EMC2: variants seen among roughly 807,000 people sequenced by gnomAD.
EMC2 encodes TPR repeat protein 35.
EMC2 carries 37 observed loss-of-function variants against 51.6 expected under a neutral mutation model. The ratio of observed to expected loss-of-function variants is 0.72; its 90% confidence interval spans 0.55 to 0.94. The LOEUF is 0.94. Among genes scored for constraint, EMC2 ranks in the 40% least tolerant of loss-of-function variants. EMC2 has a pLI of 0.00. For missense variants in EMC2, 359 were observed against 350.9 expected, an observed-to-expected ratio of 1.02 and a Z score of -0.18; for synonymous variants, 131 against 112.4, an observed-to-expected ratio of 1.17 and a Z score of -1.04.
chr8:108,464,373 C>T (rs1028888904), intron 5 of EMC2, among the ~76,000 whole-genome samples: 6 of 152,198 alleles, frequency 3.9e-5, no homozygotes, highest in African/African-American at 9.6e-5. Context: ...TCTGGCCATA[C>T]GCCAGCCTGC....
intron 5 of EMC2, among the ~76,000 whole-genome samples, chr8:108,457,264 C>T (rs1447121293): frequency 6.6e-6 from 1 of 150,624 alleles, no homozygotes; most frequent in Non-Finnish European, 1.5e-5. Flanking sequence ...GTGGAAATTC[C>T]CTAGGGTTTT....
intron 10 of EMC2, among the ~76,000 whole-genome samples, chr8:108,485,136 A>C (rs1284159568): frequency 3.3e-5 from 5 of 151,830 alleles, no homozygotes; most frequent in Non-Finnish European, 7.4e-5. Context: ...CAGGTTACCA[A>C]TTCCTGAAGC....
chr8:108,478,262 A>T (rs1250941766), intron 9 of EMC2, among the ~76,000 whole-genome samples: 1 of 152,074 alleles, frequency 6.6e-6, no homozygotes, highest in East Asian at 1.9e-4. Context: ...CTTCACAGTA[A>T]TATATACATT....
chr8:108,448,917 G>T (rs1818945703), intron 1 of EMC2, among the ~76,000 whole-genome samples: 2 of 151,894 alleles, frequency 1.3e-5, no homozygotes, highest in African/African-American at 4.8e-5. Context: ...CTTTTGCTCA[G>T]CATTTTTAAG....
Position 108,486,667 on chromosome 8 carries a change from TA to T in EMC2, c.*70del. 1 of 1,451,712 alleles carries T rather than the reference TA, an allele frequency of 6.9e-7. No homozygotes were observed. Among genetic ancestry groups the T allele is most frequent in the South Asian group, 1.4e-5 (1 of 74,018 alleles). 89.9% of individuals were successfully genotyped at this position (1,451,712 alleles called of 1,614,324 possible). A position where few individuals can be genotyped will look rare whatever the true frequency, so the allele number is the denominator to read the frequency against. On this transcript the variant is annotated 3_prime_UTR_variant, in exon 11 of 11. Coordinates refer to ENST00000220853, the MANE Select transcript of EMC2 (RefSeq NM_014673.5). ...TGAACTTATTGGCCTGTAACTTATT[TA>T]CTAAATGCTCAGTGCTATTTATATA...
intron 5 of EMC2, among the ~76,000 whole-genome samples, chr8:108,458,447 T>C (rs1305812482): frequency 2.0e-5 from 3 of 152,216 alleles, no homozygotes; most frequent in South Asian, 4.1e-4. Context: ...TGCCTGGACA[T>C]GTAGCCATTT....
intron 10 of EMC2, 31 bp from the exon 11 acceptor site, chr8:108,486,481 A>G (rs748341590): frequency 6.8e-7 from 1 of 1,478,926 alleles, no homozygotes. Flanking sequence ...AATTGAGCCT[A>G]ATTGAGCTTT....
intron 10 of EMC2, among the ~76,000 whole-genome samples, chr8:108,481,416 C>G (rs1018284197): frequency 2.6e-5 from 4 of 151,512 alleles, no homozygotes; most frequent in Non-Finnish European, 5.9e-5. Flanking sequence ...TAATGGAGTT[C>G]CACACAGAGT....
At chr8:108,456,631 G>C (rs916663013) in intron 5 of EMC2, among the ~76,000 whole-genome samples, 1 of 152,006 alleles carries the variant, frequency 6.6e-6, no homozygotes, top group Non-Finnish European at 1.5e-5. Flanking sequence ...TTTTGAACAA[G>C]TATATTAGTT....
chr8:108,459,038 C>T (rs1240888253), intron 5 of EMC2, among the ~76,000 whole-genome samples: 2 of 152,198 alleles, frequency 1.3e-5, no homozygotes, highest in African/African-American at 2.4e-5. Flanking sequence ...ATCTCTAGGG[C>T]AGGGGCAAAA....
At chr8:108,444,485 G>A (rs962269353) in intron 1 of EMC2, among the ~76,000 whole-genome samples, 2 of 151,990 alleles carry the variant, frequency 1.3e-5, no homozygotes, top group African/African-American at 4.8e-5. Context: ...ATTAAGGCGT[G>A]GAATTTGTGT....
intron 7 of EMC2, among the ~76,000 whole-genome samples, chr8:108,472,537 AT>A (rs1196641401): frequency 4.7e-5 from 7 of 148,482 alleles, no homozygotes; most frequent in South Asian, 2.1e-4. Context: ...CAAAATGACC[AT>A]TTTTTTTTTC....
chr8:108,462,103 G>A (rs1038311872), intron 5 of EMC2, among the ~76,000 whole-genome samples: 6 of 152,116 alleles, frequency 3.9e-5, no homozygotes, highest in African/African-American at 9.7e-5. Flanking sequence ...CAATGCGCCC[G>A]GCCAGGCAAG....
intron 5 of EMC2, among the ~76,000 whole-genome samples, chr8:108,461,100 C>A (rs141107655): frequency 6.6e-6 from 1 of 152,188 alleles, no homozygotes; most frequent in African/African-American, 2.4e-5. Flanking sequence ...CAGAAGACAT[C>A]GCCGTTTCTT....
At chr8:108,478,590 T>C (rs1054443510) in intron 9 of EMC2, among the ~76,000 whole-genome samples, 1 of 152,002 alleles carries the variant, frequency 6.6e-6, no homozygotes, top group Non-Finnish European at 1.5e-5. Flanking sequence ...TCTATAAATA[T>C]TCAATAATTC....
At chr8:108,463,619 T>C (rs1220778072) in intron 5 of EMC2, among the ~76,000 whole-genome samples, 1 of 152,176 alleles carries the variant, frequency 6.6e-6, no homozygotes, top group African/African-American at 2.4e-5. Context: ...CTGCCTATTG[T>C]GATATATCAA....
chr8:108,475,462 G>A (rs1810930427), intron 7 of EMC2: 1 of 152,858 alleles, frequency 6.5e-6, no homozygotes, highest in African/African-American at 2.4e-5. Context: ...AGTGAGTAGA[G>A]AATATTTAAT....
At chr8:108,458,207 G>A (rs532857692) in intron 5 of EMC2, among the ~76,000 whole-genome samples, 1 of 152,322 alleles carries the variant, frequency 6.6e-6, no homozygotes, top group African/African-American at 2.4e-5. Context: ...TACATCCTCT[G>A]GATGCTTTCA....
chr8:108,452,206 G>A (rs7816458), intron 3 of EMC2, among the ~76,000 whole-genome samples: 104,020 of 152,064 alleles, frequency 0.68, 36,143 homozygotes, highest in African/African-American at 0.81. Flanking sequence ...CTTGTTCAAA[G>A]AAATTGGTAT....
Sources: allele counts gnomAD v4.1 joint callset (sites outside exome capture counted in the v4.1 genomes callset), GRCh38; gene constraint gnomAD v4.1.1; transcripts MANE v1.5; gene names NCBI Gene and HGNC (gene_info 2026-07-23, HGNC 2026-07-21).